CSMD1: variants seen among roughly 807,000 people sequenced by gnomAD.
CSMD1 encodes the protein CUB and Sushi multiple domains 1.
CSMD1 carries 213 observed loss-of-function variants against 417.5 expected under a neutral mutation model. That is an observed-to-expected ratio of 0.51 (90% CI 0.46 to 0.57). CSMD1 has a LOEUF of 0.57. Among genes scored for constraint, CSMD1 ranks in the 20% least tolerant of loss-of-function variants. The pLI is 0.00. For synonymous variants in CSMD1, 2,862 were observed against 1,736.8 expected (o/e 1.65, Z -16.11); for missense variants, 6,923 against 4,529.7 (o/e 1.53, Z -15.17).
chr8:3,883,893 A>G (rs1468622780), intron 5 of CSMD1, among the ~76,000 whole-genome samples: 1 of 152,162 alleles, frequency 6.6e-6, no homozygotes, highest in East Asian at 1.9e-4. Flanking sequence ...ATGTGTATTT[A>G]AATATAAATT....
chr8:4,104,984 T>A (rs1479548500), intron 3 of CSMD1, among the ~76,000 whole-genome samples: 5 of 119,522 alleles, frequency 4.2e-5, no homozygotes, highest in Non-Finnish European at 9.7e-5. Context: ...AATAGAACAG[T>A]TTCACATTAA....
At chr8:2,983,046 T>C (rs1429266730) in intron 54 of CSMD1, among the ~76,000 whole-genome samples, 4 of 152,180 alleles carry the variant, frequency 2.6e-5, no homozygotes, top group African/African-American at 4.8e-5. Context: ...CAGCCTGTTA[T>C]GTGATGAGGA....
intron 49 of CSMD1, among the ~76,000 whole-genome samples, chr8:3,077,332 G>C (rs1363805047): frequency 6.6e-6 from 1 of 152,172 alleles, no homozygotes; most frequent in East Asian, 1.9e-4. Context: ...CAGACTGCCT[G>C]GGGACTGAGC....
intron 3 of CSMD1, among the ~76,000 whole-genome samples, chr8:4,106,900 C>G (rs575798912): frequency 2.1e-4 from 32 of 152,188 alleles, no homozygotes; most frequent in Admixed American, 1.4e-3. Context: ...TATTTAAAAA[C>G]AAATCAATAG....
chr8:4,240,260 C>T lies in CSMD1; in HGVS notation c.415+179693G>A, dbSNP rs1055632403. 2.0e-5 allele frequency among the ~76,000 whole-genome samples: 3 copies of T among 152,230 alleles called. No individual in the cohort carries two copies. The South Asian group carries it at 6.2e-4, about 32-fold the overall frequency. ...AACCTGTTTCATGAGGGGCTGGCAG[C>T]CTTTTCACTGGGAAACCTCTGATTG... On this transcript the variant is annotated intron_variant, in intron 3 of 69. Transcript: ENST00000635120.
chr8:4,452,604 G>T (rs568884971), intron 2 of CSMD1, among the ~76,000 whole-genome samples: 3 of 152,138 alleles, frequency 2.0e-5, no homozygotes, highest in Admixed American at 6.5e-5. Context: ...TAACGAAAAA[G>T]ATAATAGTTT....
intron 1 of CSMD1, among the ~76,000 whole-genome samples, chr8:4,655,271 G>A (rs1284070878): frequency 6.6e-6 from 1 of 152,020 alleles, no homozygotes; most frequent in African/African-American, 2.4e-5. Context: ...TCCCCCTGGG[G>A]TCACTGCCAT....
chr8:3,131,083 CTAA>C lies in CSMD1; in HGVS notation c.6241+11379_6241+11381del, dbSNP rs559027339. On this transcript the variant is annotated intron_variant, in intron 41 of 69. Transcript: ENST00000635120. ...TGGGAAGTCTAATAAGTTTCTCAAA[CTAA>C]TGTCTTACTGTATAAAATAAAATAC... Among the ~76,000 whole-genome samples the C allele has an allele frequency of 6.3e-3, 965 of 152,268 alleles. 1 individual carries two copies. The highest frequency in any genetic ancestry group is 0.034 in the Middle Eastern group (10 of 294).
rs940319335 is a variant in CSMD1, at chr8:3,991,693, G to C, written c.818+6210C>G. On this transcript the variant is annotated intron_variant, in intron 5 of 69. Coordinates refer to ENST00000635120, the MANE Select transcript of CSMD1 (RefSeq NM_033225.6). ...TTGCTGAAGAAATTCTAGGATGAGA[G>C]TGGAGTGCCGACACACTGCTTCCAT... is the stretch of plus-strand genomic sequence containing the variant. Among the ~76,000 whole-genome samples the C allele has an allele frequency of 4.6e-5, 7 of 152,188 alleles. No individual in the cohort carries two copies. In the East Asian group the frequency reaches 5.8e-4, roughly 13 times the overall value.
In CSMD1 at chr8:4,676,760, G is replaced by C. The variant is rs186938271; in HGVS notation, c.86-39202C>G. ...CCCTCCTGCCCTTAGTTTGTTCTTA[G>C]CCCACCAAAGCTTTTCTTTGTTCTC... On this transcript the variant is annotated intron_variant, in intron 1 of 69. Transcript: ENST00000635120. 1.6e-3 allele frequency among the ~76,000 whole-genome samples: 245 copies of C among 151,898 alleles called. 3 individuals are homozygous for C. The highest frequency in any genetic ancestry group is 5.7e-3 in the African/African-American group (238 of 41,448).
intron 11 of CSMD1, among the ~76,000 whole-genome samples, chr8:3,476,826 G>A (rs1176394708): frequency 6.6e-6 from 1 of 150,930 alleles, no homozygotes; most frequent in African/African-American, 2.4e-5. Context: ...GCTGAGGCAA[G>A]GGAATGGCTT....
At chr8:4,505,963 T>A (rs1247241196) in intron 2 of CSMD1, among the ~76,000 whole-genome samples, 1 of 152,080 alleles carries the variant, frequency 6.6e-6, no homozygotes, top group East Asian at 1.9e-4. Flanking sequence ...CACGCCTGGG[T>A]AATTTTTGTA....
intron 2 of CSMD1, among the ~76,000 whole-genome samples, chr8:4,593,822 G>C (rs966667467): frequency 6.6e-6 from 1 of 152,154 alleles, no homozygotes; most frequent in Non-Finnish European, 1.5e-5. Flanking sequence ...AAAGCTTCTA[G>C]AGAATGGAGC....
chr8:2,974,404 G>C (rs756084960), intron 56 of CSMD1, 47 bp downstream of exon 56: 5 of 1,432,520 alleles, frequency 3.5e-6, no homozygotes, highest in Middle Eastern at 2.3e-4. Context: ...TATTTGAAAA[G>C]TTATTTGAAA....
In CSMD1 at chr8:4,265,353, T is replaced by C. The variant is rs1047182528; in HGVS notation, c.415+154600A>G. Among the ~76,000 whole-genome samples, 2 of 108,490 alleles carry C rather than the reference T, an allele frequency of 1.8e-5. 1 individual carries two copies. The allele number at this position is 108,490 out of a possible 152,430, so 71.2% of individuals were successfully genotyped here. On this transcript the variant is annotated intron_variant, in intron 3 of 69. Transcript: ENST00000635120. ...TCAGCATTTTGGTGAATGATCTGTC[T>C]CTGCACAGTATCATTTGACATGTTA...
intron 3 of CSMD1, among the ~76,000 whole-genome samples, chr8:4,212,447 A>G (rs913409623): frequency 6.6e-6 from 1 of 152,136 alleles, no homozygotes; most frequent in East Asian, 1.9e-4. Flanking sequence ...GAAAATCATG[A>G]AAAATGTACT....
Position 3,418,604 on chromosome 8 carries a change from T to A in CSMD1, c.1562-8999A>T, listed in dbSNP as rs73657885. 3.9e-3 allele frequency among the ~76,000 whole-genome samples: 599 copies of A among 152,298 alleles called. 3 individuals carry two copies. The highest frequency in any genetic ancestry group is 0.013 in the African/African-American group (554 of 41,578). On this transcript the variant is annotated intron_variant, in intron 12 of 69. Transcript: ENST00000635120. ...TGAAGATTCAGATCCAACAATGTCC[T>A]GTGTCTCAGCTCAACAGGTCTGTCT... is the stretch of plus-strand genomic sequence containing the variant.
intron 5 of CSMD1, among the ~76,000 whole-genome samples, chr8:3,905,973 C>G (rs761635815): frequency 5.9e-5 from 9 of 152,130 alleles, no homozygotes; most frequent in Non-Finnish European, 1.0e-4. Context: ...TTTATCAAAC[C>G]TGTTCTTTTA....
chr8:3,249,010 C>T (rs1800079980), intron 26 of CSMD1, among the ~76,000 whole-genome samples: 3 of 152,060 alleles, frequency 2.0e-5, no homozygotes, highest in Admixed American at 2.0e-4. Flanking sequence ...AGCTCAGATG[C>T]TGTAATTGTC....
Sources: allele counts gnomAD v4.1 joint callset (sites outside exome capture counted in the v4.1 genomes callset), GRCh38; gene constraint gnomAD v4.1.1; transcripts MANE v1.5; gene names NCBI Gene and HGNC (gene_info 2026-07-23, HGNC 2026-07-21).